Variants in ANKRD30A observed in about 807,000 individuals in gnomAD.
ANKRD30A encodes ankyrin repeat domain-containing protein 30A.
Under a neutral mutation model 166.3 loss-of-function variants are expected in ANKRD30A, and 170 were observed. The ratio of observed to expected loss-of-function variants is 1.02; its 90% CI spans 0.90 to 1.16. ANKRD30A has a LOEUF of 1.16. ANKRD30A is among the 50% of genes most tolerant of loss of function. The pLI, the probability that ANKRD30A is intolerant of heterozygous loss-of-function variation, is 0.00. For missense variants in ANKRD30A, 1,630 were observed against 1,518.0 expected (o/e 1.07, Z -1.23); for synonymous variants, 564 against 508.9 (o/e 1.11, Z -1.46).
chr10:37,134,869 A>G (rs1233530335), intron 5 of ANKRD30A, among the ~76,000 whole-genome samples: 1 of 152,222 alleles, frequency 6.6e-6, no homozygotes, highest in Non-Finnish European at 1.5e-5. Context: ...GTAATGTTAT[A>G]GGAAGAAATT....
chr10:37,164,636 A>G (rs1487260499), intron 17 of ANKRD30A, among the ~76,000 whole-genome samples: 3 of 152,162 alleles, frequency 2.0e-5, no homozygotes, highest in Non-Finnish European at 4.4e-5. Context: ...AAAAGTTAAT[A>G]TTCCTAAAAC....
At chr10:37,197,956 ATG>A (rs914021074) in intron 29 of ANKRD30A, among the ~76,000 whole-genome samples, 1 of 151,670 alleles carries the variant, frequency 6.6e-6, no homozygotes, top group South Asian at 2.1e-4. Flanking sequence ...CTGTGTGTTT[ATG>A]TGTGTGTGTC....
the ANKRD30A span, among the ~76,000 whole-genome samples, chr10:37,247,554 GGGT>G: frequency 1.3e-5 from 2 of 151,960 alleles, no homozygotes; most frequent in Middle Eastern, 6.8e-3. Context: ...AGAGGGCAGA[GGGT>G]GGGAGGAAGA....
At chr10:37,214,092 T>G (rs1337034627) in intron 31 of ANKRD30A, among the ~76,000 whole-genome samples, 1 of 151,656 alleles carries the variant, frequency 6.6e-6, no homozygotes, top group Non-Finnish European at 1.5e-5. Context: ...ATTTATGTTA[T>G]TATGCACATA....
At chr10:37,203,548 T>TGGAA (rs1841791345) in intron 31 of ANKRD30A, among the ~76,000 whole-genome samples, 1 of 152,156 alleles carries the variant, frequency 6.6e-6, no homozygotes, top group Non-Finnish European at 1.5e-5. Flanking sequence ...GGGCAAAAAC[T>TGGAA]GGAAGCATTC....
At chr10:37,135,992 A>G (rs1291979523) in intron 5 of ANKRD30A, among the ~76,000 whole-genome samples, 4 of 152,130 alleles carry the variant, frequency 2.6e-5, no homozygotes, top group African/African-American at 7.2e-5. Context: ...GGGTCTCCCT[A>G]TGTTGCCCAG....
At chr10:37,255,482 A>G in the ANKRD30A span, among the ~76,000 whole-genome samples, 6 of 152,356 alleles carry the variant, frequency 3.9e-5, no homozygotes, top group South Asian at 2.1e-4. Flanking sequence ...TGGTAAAAGC[A>G]TATGTAATAA....
chr10:37,160,894 A>G (rs1407781499), intron 15 of ANKRD30A, among the ~76,000 whole-genome samples: 2 of 152,160 alleles, frequency 1.3e-5, no homozygotes, highest in South Asian at 2.1e-4. Context: ...TTTAAAGTAT[A>G]CCTAATATAA....
chr10:37,196,735 A>C (rs1490138079), intron 27 of ANKRD30A, among the ~76,000 whole-genome samples: 1 of 152,128 alleles, frequency 6.6e-6, no homozygotes, highest in East Asian at 1.9e-4. Flanking sequence ...AAAGCAGAGG[A>C]TACAGAAATA....
At chr10:37,253,022 C>A in the ANKRD30A span, among the ~76,000 whole-genome samples, 1 of 152,192 alleles carries the variant, frequency 6.6e-6, no homozygotes, top group Non-Finnish European at 1.5e-5. Context: ...CTTGTTAAAT[C>A]ATAACTGCAA....
In ANKRD30A at chr10:37,162,852, A is replaced by C. The variant is rs537285486; in HGVS notation, c.2002+4A>C. 2.3e-5 allele frequency: 37 copies of C among 1,612,560 alleles called. No individual in the cohort carries two copies. In the Middle Eastern group the frequency reaches 5.2e-4, roughly 23 times the overall value. On this transcript the variant is annotated splice_donor_region_variant and intron_variant, in intron 17 of 35. Coordinates refer to ENST00000361713, the MANE Select transcript of ANKRD30A (RefSeq NM_052997.3). ...AATGAACAAACATTGAGAGCAGGTA[A>C]ATTTTTCAATGTAACTATGGAAAGA...
At chr10:37,129,827 C>T in intron 1 of ANKRD30A, 66 bp from the exon 2 acceptor site, 3 of 905,884 alleles carry the variant, frequency 3.3e-6, no homozygotes, top group Admixed American at 6.7e-5. Flanking sequence ...TTTACAGTTA[C>T]ATAACTCATT....
At chr10:37,151,475 T>G (rs17589982) in intron 11 of ANKRD30A, among the ~76,000 whole-genome samples, 2 of 152,036 alleles carry the variant, frequency 1.3e-5, no homozygotes, top group Admixed American at 1.3e-4. Context: ...TAATTTATAT[T>G]CAATAAAAGT....
chr10:37,259,756 A>G, the ANKRD30A span, among the ~76,000 whole-genome samples: 4 of 152,234 alleles, frequency 2.6e-5, no homozygotes, highest in African/African-American at 9.6e-5. Flanking sequence ...CACATGTTCT[A>G]TGAATCCATA....
intron 33 of ANKRD30A, among the ~76,000 whole-genome samples, chr10:37,218,129 G>T (rs1297412355): frequency 6.6e-6 from 1 of 150,766 alleles, no homozygotes; most frequent in Non-Finnish European, 1.5e-5. Context: ...ATAATTTATT[G>T]GTAAGTAGTT....
intron 31 of ANKRD30A, among the ~76,000 whole-genome samples, chr10:37,210,552 A>G (rs1842242813): frequency 6.6e-6 from 1 of 152,190 alleles, no homozygotes; most frequent in Non-Finnish European, 1.5e-5. Flanking sequence ...ACTCTCTTCT[A>G]CAATGGTTGA....
rs566577742 is a variant in ANKRD30A at position 37,199,696 on chromosome 10, C to A, written c.2717-31C>A. 17 of 1,404,624 alleles carry A rather than the reference C, an allele frequency of 1.2e-5. No individual in the cohort carries two copies. In the South Asian group the frequency reaches 1.6e-4, roughly 14 times the overall value. The allele number at this position is 1,404,624 out of a possible 1,614,324, so 87.0% of individuals were successfully genotyped here. ...AAAATGTATAGTAGAGAAATGTTCT[C>A]ATGAATGTATCTGTGATTAACCTTT... On this transcript the variant is annotated intron_variant, in intron 29 of 35. Transcript: ENST00000361713.
At chr10:37,192,924 C>T (rs1282479818) in intron 25 of ANKRD30A, 140 bp from the exon 26 acceptor site, 1 of 1,458,816 alleles carries the variant, frequency 6.9e-7, no homozygotes. Flanking sequence ...AATACAGTAA[C>T]CCAAAAGACC....
intron 27 of ANKRD30A, among the ~76,000 whole-genome samples, chr10:37,193,866 T>G (rs1394498518): frequency 2.6e-5 from 4 of 151,468 alleles, no homozygotes; most frequent in Admixed American, 6.6e-5. Flanking sequence ...AGAGCCTGAA[T>G]TAGTTCTTGT....
Sources: allele counts gnomAD v4.1 joint callset (sites outside exome capture counted in the v4.1 genomes callset), GRCh38; gene constraint gnomAD v4.1.1; transcripts MANE v1.5; gene names NCBI Gene and HGNC (gene_info 2026-07-23, HGNC 2026-07-21).